The following KCND3 variants were observed in gnomAD, a reference collection of about 807,000 sequenced individuals.
The protein encoded by KCND3 is potassium voltage-gated channel subfamily D member 3.
Under a neutral mutation model 51.1 loss-of-function variants are expected in KCND3, and 9 were observed. That is an observed-to-expected ratio of 0.18 (90% CI 0.11 to 0.31). The LOEUF (loss-of-function observed/expected upper bound fraction) is 0.31. KCND3 is among the 10% of genes least tolerant of loss of function. KCND3 has a pLI of 1.00. For synonymous variants in KCND3, 349 were observed against 368.0 expected (o/e 0.95, Z 0.59); for missense variants, 526 against 903.8 (o/e 0.58, Z 5.36).
chr1:111,964,750 G>A (rs1204606271), intron 2 of KCND3, among the ~76,000 whole-genome samples: 1 of 152,158 alleles, frequency 6.6e-6, no homozygotes. Context: ...AAAAGGAGGG[G>A]GTATTGTCCT....
intron 2 of KCND3, among the ~76,000 whole-genome samples, chr1:111,806,518 G>C (rs1209106328): frequency 6.6e-6 from 1 of 152,058 alleles, no homozygotes; most frequent in East Asian, 1.9e-4. Flanking sequence ...TCTGTAAATG[G>C]GAATATTTAT....
chr1:111,821,947 G>T (rs1666367793), intron 2 of KCND3, among the ~76,000 whole-genome samples: 1 of 152,088 alleles, frequency 6.6e-6, no homozygotes, highest in Admixed American at 6.5e-5. Flanking sequence ...GTGAGTAATG[G>T]GGGCTCTTTC....
At chr1:111,862,647 G>A (rs1668390167) in intron 2 of KCND3, among the ~76,000 whole-genome samples, 1 of 152,196 alleles carries the variant, frequency 6.6e-6, no homozygotes, top group Admixed American at 6.5e-5. Context: ...ATATTGTTTG[G>A]ATTTAATCCT....
At chr1:111,977,815 C>T (rs190325637) in intron 2 of KCND3, among the ~76,000 whole-genome samples, 72 of 152,346 alleles carry the variant, frequency 4.7e-4, no homozygotes, top group Non-Finnish European at 4.6e-4. Flanking sequence ...AGAGAGTTTA[C>T]ATCATATAAT....
chr1:111,874,927 C>T (rs66477039), intron 2 of KCND3, among the ~76,000 whole-genome samples: 5,065 of 152,308 alleles, frequency 0.033, 106 homozygotes, highest in East Asian at 0.1. Context: ...CCTCACCTAC[C>T]TCCAGGGCCA....
Position 111,775,988 on chromosome 1 carries a change from G to C in KCND3, c.*89C>G. 1 of 1,358,036 alleles carries C rather than the reference G, an allele frequency of 7.4e-7. No individual in the cohort carries two copies. The highest frequency in any genetic ancestry group is 1.1e-6 in the Non-Finnish European group (1 of 949,990). 84.1% of individuals were successfully genotyped at this position (1,358,036 alleles called of 1,614,324 possible). On this transcript the variant is annotated 3_prime_UTR_variant, in exon 8 of 8. Transcript: ENST00000302127. Reference sequence around the variant, plus strand: ...GGGGCAGGCAGAAATAGTGGGGAAAGGGGGGAGGGAGTGGTCTCAGTGACC... The same window carrying C: ...GGGGCAGGCAGAAATAGTGGGGAAACGGGGGAGGGAGTGGTCTCAGTGACC...
chr1:111,909,395 C>T (rs947154589), intron 2 of KCND3: 8 of 152,164 alleles, frequency 5.3e-5, no homozygotes, highest in African/African-American at 1.4e-4. Flanking sequence ...TGCCTAATCT[C>T]GGCCAAGGGA....
chr1:111,853,643 T>A (rs988691241), intron 2 of KCND3: 1 of 152,264 alleles, frequency 6.6e-6, no homozygotes, highest in Non-Finnish European at 1.5e-5. Flanking sequence ...CTTTCTTTCC[T>A]CATTCCTGTG....
intron 2 of KCND3, among the ~76,000 whole-genome samples, chr1:111,895,888 C>G (rs910558147): frequency 6.6e-6 from 1 of 152,210 alleles, no homozygotes; most frequent in African/African-American, 2.4e-5. Flanking sequence ...GGGGCCACAT[C>G]AAGTGTGGAA....
At chr1:111,926,355 A>G (rs1032432260) in intron 2 of KCND3, among the ~76,000 whole-genome samples, 1 of 152,180 alleles carries the variant, frequency 6.6e-6, no homozygotes, top group Admixed American at 6.5e-5. Context: ...TCTATACATG[A>G]TATCATTTGA....
At chr1:111,942,398 TGTGCCATA>T (rs1271218938) in intron 2 of KCND3, among the ~76,000 whole-genome samples, 5 of 152,234 alleles carry the variant, frequency 3.3e-5, no homozygotes, top group Non-Finnish European at 2.9e-5. Flanking sequence ...ACTGGGGCGC[TGTGCCATA>T]GTTCCTGCCC....
chr1:111,835,545 C>A (rs987670208), intron 2 of KCND3, among the ~76,000 whole-genome samples: 1 of 152,166 alleles, frequency 6.6e-6, no homozygotes, highest in African/African-American at 2.4e-5. Flanking sequence ...TGGCCAAAAC[C>A]AAGATGGCAA....
chr1:111,916,875 C>A (rs960472405), intron 2 of KCND3, among the ~76,000 whole-genome samples: 1 of 152,058 alleles, frequency 6.6e-6, no homozygotes, highest in African/African-American at 2.4e-5. Flanking sequence ...CTGGAATAGC[C>A]CTATATCTAT....
chr1:111,940,540 T>C (rs966123688), intron 2 of KCND3, among the ~76,000 whole-genome samples: 9 of 152,208 alleles, frequency 5.9e-5, no homozygotes, highest in African/African-American at 2.2e-4. Context: ...TAGTTGTAGA[T>C]GTGTGGCATT....
chr1:111,966,831 G>T (rs1674015174), intron 2 of KCND3, among the ~76,000 whole-genome samples: 1 of 152,134 alleles, frequency 6.6e-6, no homozygotes, highest in African/African-American at 2.4e-5. Context: ...TCTACCAGTG[G>T]AATGAACTGC....
chr1:111,923,259 T>C (rs549576116), intron 2 of KCND3, among the ~76,000 whole-genome samples: 118 of 152,322 alleles, frequency 7.7e-4, no homozygotes, highest in African/African-American at 2.8e-3. Flanking sequence ...ATGGGTTGCA[T>C]CCTAGGTACC....
chr1:111,801,457 G>C (rs772662959), intron 2 of KCND3, among the ~76,000 whole-genome samples: 2 of 152,216 alleles, frequency 1.3e-5, no homozygotes, highest in Admixed American at 1.3e-4. Context: ...GTTCAGTCCT[G>C]CCTCTCCTCG....
At chr1:111,852,411 G>A (rs748351630) in intron 2 of KCND3, among the ~76,000 whole-genome samples, 2 of 152,250 alleles carry the variant, frequency 1.3e-5, no homozygotes, top group Non-Finnish European at 2.9e-5. Context: ...CTAAGCCTGA[G>A]CTGTGCATGC....
rs546639557 is a variant in KCND3 at position 111,839,208 on chromosome 1, C to A, written c.1107-52102G>T. ...CATGTGCTTTCTCAACAATTCCCAG[C>A]AACATTTCAGCTATTGTATCTGCCC... is the stretch of plus-strand genomic sequence containing the variant. On this transcript the variant is annotated intron_variant, in intron 2 of 7. Coordinates refer to ENST00000302127, the MANE Select transcript of KCND3 (RefSeq NM_001378969.1). Among the ~76,000 whole-genome samples, 14 of 152,358 alleles carry A rather than the reference C, an allele frequency of 9.2e-5. No individual in the cohort carries two copies. In the South Asian group the frequency reaches 2.3e-3, roughly 25 times the overall value.
Sources: allele counts gnomAD v4.1 joint callset (sites outside exome capture counted in the v4.1 genomes callset), GRCh38; gene constraint gnomAD v4.1.1; transcripts MANE v1.5; gene names NCBI Gene and HGNC (gene_info 2026-07-23, HGNC 2026-07-21).